GLG1: variants seen among roughly 807,000 people sequenced by gnomAD.
GLG1 encodes the protein golgi glycoprotein 1, also known as Golgi apparatus protein 1.
GLG1 carries 38 observed loss-of-function variants against 160.5 expected under a neutral mutation model. The observed-to-expected ratio is 0.24, with a 90% confidence interval of 0.18 to 0.31. The LOEUF (loss-of-function observed/expected upper bound fraction) is 0.31, where lower values mean the gene tolerates loss of function less well. GLG1 is among the 10% of genes least tolerant of loss of function. The pLI is 1.00. For missense variants in GLG1, 1,373 were observed against 1,505.2 expected (o/e 0.91, Z 1.45); for synonymous variants, 644 against 543.4 (o/e 1.19, Z -2.57).
chr16:74,490,958 G>T, intron 8 of GLG1, 43 bp downstream of exon 8: 1 of 1,388,980 alleles, frequency 7.2e-7, no homozygotes, highest in Non-Finnish European at 1.0e-6. Flanking sequence ...CTCTTCAGCT[G>T]ATAAATGTGA....
chr16:74,507,169 T>G (rs778094739), intron 3 of GLG1, among the ~76,000 whole-genome samples: 1 of 152,200 alleles, frequency 6.6e-6, no homozygotes, highest in African/African-American at 2.4e-5. Context: ...GACTCCAGTA[T>G]AATCTTCCTG....
chr16:74,580,251 A>G (rs920003464), intron 1 of GLG1, among the ~76,000 whole-genome samples: 9 of 152,074 alleles, frequency 5.9e-5, no homozygotes, highest in Non-Finnish European at 1.2e-4. Flanking sequence ...TGGGAGGCTG[A>G]GGTGGGAGGA....
chr16:74,573,950 C>T (rs1018378204), intron 1 of GLG1, among the ~76,000 whole-genome samples: 10 of 151,986 alleles, frequency 6.6e-5, no homozygotes, highest in African/African-American at 2.2e-4. Flanking sequence ...CACACCACTA[C>T]ACCCCACTAA....
In GLG1 at chr16:74,450,283, A is replaced by G. The variant is rs1192132613; in HGVS notation, c.*2884T>C. The G allele has an allele frequency of 1.3e-5, 2 of 152,182 alleles. No individual in the cohort carries two copies. Among genetic ancestry groups the G allele is most frequent in the East Asian group, 1.9e-4 (1 of 5,194 alleles). The allele number at this position is 152,182 out of a possible 1,614,324, so 9.4% of individuals were successfully genotyped here. A position where few individuals can be genotyped will look rare whatever the true frequency, so the allele number is the denominator to read the frequency against. On this transcript the variant is annotated 3_prime_UTR_variant, in exon 26 of 26. Transcript: ENST00000422840. ...AGAAGGGTCATTGTTTCTTTTCTTG[A>G]CCATTTCTCAGCCAGTTGACTGACC...
intron 3 of GLG1, among the ~76,000 whole-genome samples, chr16:74,508,141 G>A (rs2016680106): frequency 6.6e-6 from 1 of 152,062 alleles, no homozygotes; most frequent in South Asian, 2.1e-4. Flanking sequence ...TAAGAGCTCT[G>A]AAGAATGTGG....
At chr16:74,599,953 G>C (rs918313649) in intron 1 of GLG1, among the ~76,000 whole-genome samples, 3 of 152,028 alleles carry the variant, frequency 2.0e-5, no homozygotes, top group Non-Finnish European at 2.9e-5. Context: ...AGAATCGCTT[G>C]AATACAGGAG....
intron 1 of GLG1, among the ~76,000 whole-genome samples, chr16:74,559,243 T>G (rs900877197): frequency 6.6e-6 from 1 of 151,742 alleles, no homozygotes; most frequent in African/African-American, 2.4e-5. Flanking sequence ...CTATCAGAAG[T>G]AATCCTTTTT....
intron 18 of GLG1, among the ~76,000 whole-genome samples, chr16:74,466,209 C>T (rs1342116815): frequency 6.6e-6 from 1 of 152,168 alleles, no homozygotes; most frequent in Admixed American, 6.5e-5. Flanking sequence ...CTATTTACCA[C>T]CTGAGAAAGA....
rs367932502 is a variant in GLG1 at position 74,471,317 on chromosome 16, T to C, written c.2116-31A>G. ...GAAGACAGCATGCATTTACACTTCA[T>C]TGGTAACAATTAATGAACAAAACTT... is the stretch of plus-strand genomic sequence containing the variant. On this transcript the variant is annotated intron_variant, in intron 14 of 25. Transcript: ENST00000422840. The C allele has an allele frequency of 1.1e-4, 126 of 1,181,552 alleles. No individual in the cohort carries two copies. Among genetic ancestry groups the C allele is most frequent in the Admixed American group, 1.4e-4 (8 of 59,166 alleles). The allele number at this position is 1,181,552 out of a possible 1,614,324, so 73.2% of individuals were successfully genotyped here.
At chr16:74,603,130 A>C (rs1403255720) in intron 1 of GLG1, among the ~76,000 whole-genome samples, 2 of 151,992 alleles carry the variant, frequency 1.3e-5, no homozygotes, top group East Asian at 1.9e-4. Flanking sequence ...CAGCAGCAGC[A>C]GCCAGGCGCA....
chr16:74,468,781 A>G, intron 17 of GLG1, 165 bp downstream of exon 17: 2 of 613,040 alleles, frequency 3.3e-6, no homozygotes, highest in East Asian at 2.7e-5. Context: ...AATCAAAAGA[A>G]TGACACAGGA....
intron 24 of GLG1, 84 bp downstream of exon 24, chr16:74,457,790 G>A (rs1460208050): frequency 8.4e-6 from 11 of 1,317,088 alleles, no homozygotes; most frequent in Non-Finnish European, 1.2e-5. Flanking sequence ...ACAGACCACA[G>A]TAGCTGCAAC....
intron 1 of GLG1, among the ~76,000 whole-genome samples, chr16:74,567,504 T>C (rs2018689371): frequency 1.3e-5 from 2 of 150,234 alleles, no homozygotes; most frequent in Admixed American, 6.7e-5. Context: ...CTCCAAAAGA[T>C]AAAAATCACT....
At chr16:74,455,569 C>G (rs535442861) in intron 25 of GLG1, among the ~76,000 whole-genome samples, 1 of 152,320 alleles carries the variant, frequency 6.6e-6, no homozygotes, top group South Asian at 2.1e-4. Flanking sequence ...GACAGGAGCC[C>G]TCCCTTGTAC....
At chr16:74,460,382 C>T (rs2014741940) in intron 22 of GLG1, among the ~76,000 whole-genome samples, 1 of 152,088 alleles carries the variant, frequency 6.6e-6, no homozygotes, top group Non-Finnish European at 1.5e-5. Flanking sequence ...GTCTTGAACT[C>T]CTGACCTCAG....
chr16:74,581,116 T>C (rs1430819221), intron 1 of GLG1, among the ~76,000 whole-genome samples: 1 of 152,188 alleles, frequency 6.6e-6, no homozygotes, highest in Non-Finnish European at 1.5e-5. Flanking sequence ...AGAATTGCCA[T>C]ATGACCTAGT....
intron 19 of GLG1, 44 bp downstream of exon 19, chr16:74,465,624 CTTTGTTGT>C: frequency 6.3e-7 from 1 of 1,587,184 alleles, no homozygotes; most frequent in Non-Finnish European, 8.6e-7. Flanking sequence ...ATTGTTTGTG[CTTTGTTGT>C]TTTGTTGTTC....
intron 2 of GLG1, among the ~76,000 whole-genome samples, chr16:74,529,244 C>G (rs1186175700): frequency 6.6e-6 from 1 of 152,102 alleles, no homozygotes; most frequent in Non-Finnish European, 1.5e-5. Context: ...GCTGGGATTA[C>G]AGGCGTGAAC....
chr16:74,491,673 G>GT (rs2015993471), intron 7 of GLG1, among the ~76,000 whole-genome samples: 1 of 48,584 alleles, frequency 2.1e-5, no homozygotes, highest in Admixed American at 3.0e-4. Flanking sequence ...GAGTCTCACT[G>GT]TGTCACCCAG....
Sources: gnomAD v4.1 joint callset for allele counts (sites outside exome capture counted in the v4.1 genomes callset) on GRCh38, gnomAD v4.1.1 for gene constraint, MANE v1.5 for transcripts, NCBI Gene and HGNC (gene_info 2026-07-23, HGNC 2026-07-21) for gene names.